Variants in PLA1A observed in about 807,000 individuals in gnomAD.
The protein encoded by PLA1A is phosphatidylserine-specific phospholipase A1alpha.
A neutral mutation model predicts 49.4 loss-of-function variants in PLA1A; 47 were observed. The ratio of observed to expected loss-of-function variants is 0.95; its 90% confidence interval spans 0.75 to 1.21. The LOEUF (loss-of-function observed/expected upper bound fraction) is 1.21. Among genes scored for constraint, PLA1A ranks in the 50% most tolerant of loss-of-function variants. The pLI is 0.00. For synonymous variants in PLA1A, 224 were observed against 207.9 expected (o/e 1.08, Z -0.67); for missense variants, 561 against 563.9 (o/e 0.99, Z 0.05).
At chr3:119,616,916 TTA>T (rs2082855657) in intron 6 of PLA1A, among the ~76,000 whole-genome samples, 3 of 152,228 alleles carry the variant, frequency 2.0e-5, no homozygotes, top group African/African-American at 7.2e-5. Context: ...TGAGAAGGGT[TTA>T]GTTTGTCTCT....
Position 119,613,030 on chromosome 3 carries a change from T to G in PLA1A, c.576T>G (p.Ala192=). The part of the protein sequence containing the change: ...QLGQITGLDP[A]GPEYTRASVE... Reference sequence around the variant, plus strand: ...CTCTTCTCACAGGCCTGGACCCCGCTGGACCTGAGTACACCAGGGCCAGTG... The same window carrying G: ...CTCTTCTCACAGGCCTGGACCCCGCGGGACCTGAGTACACCAGGGCCAGTG... The change falls in exon 5 of 11, where the codon GCT becomes GCG. Residue 192 remains alanine (A), a synonymous_variant. Coordinates refer to ENST00000273371, the MANE Select transcript of PLA1A (RefSeq NM_015900.4). 1 of 1,599,676 alleles carries G rather than the reference T, an allele frequency of 6.3e-7. No homozygotes were observed. The highest frequency in any genetic ancestry group is 8.5e-7 in the Non-Finnish European group (1 of 1,172,208).
At chr3:119,622,167 A>AGGAGGAGGAG (rs1560086944) in intron 8 of PLA1A, among the ~76,000 whole-genome samples, 1 of 85,300 alleles carries the variant, frequency 1.2e-5, no homozygotes, top group African/African-American at 4.2e-5. Flanking sequence ...AAGAAGAAGA[A>AGGAGGAGGAG]GAAGAAGAAG....
chr3:119,612,638 G>A (rs1050137030), intron 4 of PLA1A, among the ~76,000 whole-genome samples: 15 of 152,090 alleles, frequency 9.9e-5, no homozygotes, highest in Non-Finnish European at 2.1e-4. Context: ...ACAGGCGCCC[G>A]CCACTACGCC....
At chr3:119,600,270 C>T in intron 1 of PLA1A, 1 of 644,440 alleles carries the variant, frequency 1.6e-6, no homozygotes, top group Non-Finnish European at 2.8e-6. Flanking sequence ...ATGACAACCC[C>T]AGTCACACCT....
intron 8 of PLA1A, among the ~76,000 whole-genome samples, chr3:119,624,314 G>A (rs2082986514): frequency 6.6e-6 from 1 of 152,166 alleles, no homozygotes; most frequent in African/African-American, 2.4e-5. Flanking sequence ...CCTTCTATAA[G>A]GCACTATTTC....
intron 2 of PLA1A, among the ~76,000 whole-genome samples, chr3:119,608,479 A>C (rs1219671824): frequency 2.0e-5 from 3 of 152,238 alleles, no homozygotes; most frequent in African/African-American, 7.2e-5. Flanking sequence ...CAAAAGGCTG[A>C]TGAGGCTGAC....
chr3:119,601,137 A>ACACC (rs1436907618), intron 1 of PLA1A, among the ~76,000 whole-genome samples: 1 of 152,214 alleles, frequency 6.6e-6, no homozygotes, highest in Non-Finnish European at 1.5e-5. Context: ...CACTGCCAGA[A>ACACC]CACCCTTCCC....
chr3:119,609,519 G>C lies in PLA1A; in HGVS notation c.505G>C (p.Ala169Pro), dbSNP rs1394309312. ...SIHIIGVSLGAHVGGMVGQLF... is the reference protein window; with the variant it reads ...SIHIIGVSLGPHVGGMVGQLF... ...CCACATCATTGGTGTTAGCCTGGGGGCCCACGTTGGGGGCATGGTGGGACA... is the reference window on the plus strand; with the variant it reads ...CCACATCATTGGTGTTAGCCTGGGGCCCCACGTTGGGGGCATGGTGGGACA... The change falls in exon 4 of 11, where the codon GCC becomes CCC. Residue 169 changes from alanine (A) to proline (P), a missense_variant. Physicochemically the swap from Ala to Pro is conservative, Grantham distance 27. Coordinates refer to ENST00000273371, the MANE Select transcript of PLA1A (RefSeq NM_015900.4). The C allele has an allele frequency of 6.2e-7, 1 of 1,613,294 alleles. No individual in the cohort carries two copies. Among genetic ancestry groups the C allele is most frequent in the Non-Finnish European group, 8.5e-7 (1 of 1,179,386 alleles).
Position 119,625,247 on chromosome 3 carries a change from C to G in PLA1A, c.1121+15C>G, listed in dbSNP as rs1207916921. 6.6e-7 allele frequency: 1 copy of G among 1,516,170 alleles called. No individual in the cohort carries two copies. 93.9% of individuals were successfully genotyped at this position (1,516,170 alleles called of 1,614,324 possible). A position where few individuals can be genotyped will look rare whatever the true frequency, so the allele number is the denominator to read the frequency against. ...AAGATCACCATGTACGTAAGTGTCC[C>G]ACCTGGTTGACTCCTCCCCTTAGGA... On this transcript the variant is annotated intron_variant, in intron 9 of 10. Coordinates refer to ENST00000273371, the MANE Select transcript of PLA1A (RefSeq NM_015900.4).
intron 8 of PLA1A, 149 bp from the exon 9 acceptor site, chr3:119,624,975 A>G: frequency 1.7e-6 from 1 of 580,540 alleles, no homozygotes. Flanking sequence ...GAGGAAACTG[A>G]GGACCTGAGA....
Position 119,628,712 on chromosome 3 carries a change from A to G in PLA1A, c.1133A>G (p.Gln378Arg). ...SSSKITIPKQ[Q>R]RYGKGIIAHA... Reference sequence around the variant, plus strand: ...CCCTTTTCTTGCAGACCTAAGCAGCAACGCTATGGGAAAGGAATCATAGCC... The same window carrying G: ...CCCTTTTCTTGCAGACCTAAGCAGCGACGCTATGGGAAAGGAATCATAGCC... The change falls in exon 10 of 11, where the codon CAA (glutamine) becomes CGA (arginine). Residue 378 changes from glutamine to arginine, a missense_variant. By Grantham distance (43) the Gln-to-Arg change is conservative. Transcript: ENST00000273371. 1.9e-6 allele frequency: 3 copies of G among 1,614,168 alleles called. No individual in the cohort carries two copies. The highest frequency in any genetic ancestry group is 2.5e-6 in the Non-Finnish European group (3 of 1,179,980).
intron 1 of PLA1A, 70 bp from the exon 2 acceptor site, chr3:119,606,704 C>T (rs2107779754): frequency 1.6e-6 from 2 of 1,265,878 alleles, no homozygotes; most frequent in East Asian, 2.3e-5. Flanking sequence ...CTTCCAAGGT[C>T]ATCTTTCTTC....
chr3:119,614,337 C>T (rs1577145997), intron 5 of PLA1A, among the ~76,000 whole-genome samples: 1 of 152,100 alleles, frequency 6.6e-6, no homozygotes, highest in East Asian at 1.9e-4. Context: ...GGCGTGGTGG[C>T]TCACACCTGT....
At chr3:119,601,143 T>G (rs1480488191) in intron 1 of PLA1A, among the ~76,000 whole-genome samples, 2 of 152,228 alleles carry the variant, frequency 1.3e-5, no homozygotes, top group Admixed American at 6.5e-5. Flanking sequence ...CAGAACACCC[T>G]TCCCTTCTTG....
chr3:119,619,483 T>A, intron 7 of PLA1A, 80 bp from the exon 8 acceptor site: 6 of 913,612 alleles, frequency 6.6e-6, no homozygotes, highest in Middle Eastern at 2.1e-4. Flanking sequence ...GTGCATGAAT[T>A]AATAAACACG....
intron 1 of PLA1A, among the ~76,000 whole-genome samples, chr3:119,603,213 T>A (rs190160437): frequency 7.9e-5 from 12 of 152,002 alleles, no homozygotes; most frequent in African/African-American, 2.7e-4. Context: ...GCAAATAGAC[T>A]GAAGGGGCCA....
chr3:119,617,908 A>G (rs2082872729), intron 6 of PLA1A, 111 bp from the exon 7 acceptor site: 8 of 748,628 alleles, frequency 1.1e-5, no homozygotes, highest in Admixed American at 2.5e-5. Context: ...GGGGACTCCC[A>G]TGCATGTATT....
chr3:119,613,576 C>T (rs1178062244), intron 5 of PLA1A, among the ~76,000 whole-genome samples: 1 of 152,180 alleles, frequency 6.6e-6, no homozygotes, highest in Non-Finnish European at 1.5e-5. Flanking sequence ...CAAGCTTGGC[C>T]CTTCAGTCCA....
At chr3:119,609,979 C>T (rs1191686029) in intron 4 of PLA1A, among the ~76,000 whole-genome samples, 18 of 152,118 alleles carry the variant, frequency 1.2e-4, no homozygotes, top group Non-Finnish European at 2.4e-4. Context: ...CCTTGCTTTT[C>T]CTCCCCCTTT....
Sources: gnomAD v4.1 joint callset for allele counts (sites outside exome capture counted in the v4.1 genomes callset) on GRCh38, gnomAD v4.1.1 for gene constraint, MANE v1.5 for transcripts, NCBI Gene and HGNC (gene_info 2026-07-23, HGNC 2026-07-21) for gene names.